The following NTM variants were observed in gnomAD, a reference collection of about 807,000 sequenced individuals.
The protein encoded by NTM is neurotrimin, also known as IgLON family member 2.
A neutral mutation model predicts 42.1 loss-of-function variants in NTM; 13 were observed. The ratio of observed to expected loss-of-function variants is 0.31; its 90% CI spans 0.20 to 0.49. The LOEUF is 0.49. Among genes scored for constraint, NTM ranks in the 20% least tolerant of loss-of-function variants. The pLI is 0.99. For missense variants in NTM, 373 were observed against 452.8 expected (o/e 0.82, Z 1.60); for synonymous variants, 187 against 179.2 (o/e 1.04, Z -0.35).
intron 1 of NTM, among the ~76,000 whole-genome samples, chr11:131,597,724 C>T (rs1027261394): frequency 6.6e-6 from 1 of 152,224 alleles, no homozygotes; most frequent in Admixed American, 6.5e-5. Context: ...ATGGAGAGAA[C>T]ATTCAATTAA....
intron 4 of NTM, among the ~76,000 whole-genome samples, chr11:132,297,764 A>T (rs998937029): frequency 6.6e-6 from 1 of 151,934 alleles, no homozygotes; most frequent in Non-Finnish European, 1.5e-5. Flanking sequence ...TCACTAGGGG[A>T]TGATCCAGAG....
intron 1 of NTM, among the ~76,000 whole-genome samples, chr11:131,436,355 A>G (rs767720814): frequency 6.6e-5 from 10 of 152,180 alleles, no homozygotes; most frequent in Admixed American, 6.5e-5. Context: ...TTCAGAAGGA[A>G]TGGTACCAGC....
intron 1 of NTM, among the ~76,000 whole-genome samples, chr11:131,421,870 C>T (rs777889087): frequency 1.3e-5 from 2 of 152,182 alleles, no homozygotes; most frequent in African/African-American, 2.4e-5. Context: ...GTTATGGTGG[C>T]TGCCTTGCTA....
chr11:132,321,039 C>G (rs1394927282), intron 7 of NTM, among the ~76,000 whole-genome samples: 1 of 151,344 alleles, frequency 6.6e-6, no homozygotes, highest in Non-Finnish European at 1.5e-5. Flanking sequence ...TCACCATCAT[C>G]AAAGACCAAA....
chr11:131,484,611 C>T (rs141747455), intron 1 of NTM, among the ~76,000 whole-genome samples: 30 of 152,252 alleles, frequency 2.0e-4, no homozygotes, highest in African/African-American at 5.8e-4. Context: ...GAGAGTGAGA[C>T]GGACACCTGA....
At chr11:132,134,177 C>T (rs2067315823) in intron 2 of NTM, among the ~76,000 whole-genome samples, 2 of 152,138 alleles carry the variant, frequency 1.3e-5, no homozygotes, top group Admixed American at 1.3e-4. Flanking sequence ...CCCACCTTAG[C>T]TTCTCAAAAT....
chr11:132,076,473 G>A (rs1188087760), intron 2 of NTM, among the ~76,000 whole-genome samples: 1 of 152,196 alleles, frequency 6.6e-6, no homozygotes, highest in Non-Finnish European at 1.5e-5. Flanking sequence ...ACAGTGTAGT[G>A]GACAAGCTGG....
chr11:132,257,927 C>T (rs879374638), intron 4 of NTM, among the ~76,000 whole-genome samples: 1 of 152,174 alleles, frequency 6.6e-6, no homozygotes, highest in East Asian at 1.9e-4. Flanking sequence ...GCTCACCTGC[C>T]GTCCTAGTGG....
At chr11:132,247,487 C>T (rs1432392507) in intron 4 of NTM, among the ~76,000 whole-genome samples, 1 of 152,176 alleles carries the variant, frequency 6.6e-6, no homozygotes, top group Non-Finnish European at 1.5e-5. Flanking sequence ...TGCTTCCCTT[C>T]TCTTTAATAG....
chr11:132,276,795 T>C (rs2093743377), intron 4 of NTM, among the ~76,000 whole-genome samples: 1 of 152,162 alleles, frequency 6.6e-6, no homozygotes, highest in African/African-American at 2.4e-5. Context: ...CTGCAGCCTC[T>C]ACCTGTGCCT....
chr11:131,972,496 G>C (rs1478461135), intron 2 of NTM, among the ~76,000 whole-genome samples: 1 of 152,050 alleles, frequency 6.6e-6, no homozygotes, highest in Non-Finnish European at 1.5e-5. Flanking sequence ...CAAAAGGTAG[G>C]GCTATAGCTT....
In NTM at chr11:132,195,999, G is replaced by C. The variant is rs538992092; in HGVS notation, c.401-16023G>C. 4.6e-5 allele frequency among the ~76,000 whole-genome samples: 7 copies of C among 152,258 alleles called. No individual in the cohort carries two copies. The East Asian group carries it at 1.4e-3, about 29-fold the overall frequency. Reference sequence around the variant, plus strand: ...TGCACAGCAAAATAAACTGTCAACAGAGTAAACCGACAACCTATGGAATGG... The same window carrying C: ...TGCACAGCAAAATAAACTGTCAACACAGTAAACCGACAACCTATGGAATGG... On this transcript the variant is annotated intron_variant, in intron 3 of 8. Coordinates refer to ENST00000683400, the MANE Select transcript of NTM (RefSeq NM_001352005.2).
chr11:132,149,397 A>G (rs1007926166), intron 3 of NTM, among the ~76,000 whole-genome samples: 14 of 151,530 alleles, frequency 9.2e-5, no homozygotes, highest in Admixed American at 7.2e-4. Flanking sequence ...TCAAAATGGT[A>G]TTATGATCCT....
intron 2 of NTM, among the ~76,000 whole-genome samples, chr11:132,023,245 C>T (rs1593826827): frequency 1.3e-5 from 2 of 152,316 alleles, no homozygotes; most frequent in East Asian, 3.9e-4. Context: ...ATCGTGGAGC[C>T]TGGGGAGAAA....
intron 2 of NTM, among the ~76,000 whole-genome samples, chr11:132,046,055 C>A (rs2135850962): frequency 6.6e-6 from 1 of 152,270 alleles, no homozygotes; most frequent in South Asian, 2.1e-4. Flanking sequence ...AGACTATAAC[C>A]ATCCAAACTG....
chr11:132,185,832 A>G (rs541222861), intron 3 of NTM, among the ~76,000 whole-genome samples: 2 of 152,288 alleles, frequency 1.3e-5, no homozygotes, highest in South Asian at 2.1e-4. Flanking sequence ...GGTGGCATCC[A>G]TTACTTTCAC....
At chr11:131,712,577 C>T (rs1393304433) in intron 1 of NTM, among the ~76,000 whole-genome samples, 1 of 152,004 alleles carries the variant, frequency 6.6e-6, no homozygotes, top group Non-Finnish European at 1.5e-5. Context: ...TTCAAAATTT[C>T]CTGCAGTAGA....
At chr11:131,913,553 C>T (rs641392) in intron 2 of NTM, among the ~76,000 whole-genome samples, 10,996 of 152,176 alleles carry the variant, frequency 0.072, 408 homozygotes, top group East Asian at 0.13. Context: ...TTTGAAATCG[C>T]GTTATCATGT....
intron 1 of NTM, among the ~76,000 whole-genome samples, chr11:131,578,897 T>G (rs998945790): frequency 6.6e-6 from 1 of 152,160 alleles, no homozygotes; most frequent in Admixed American, 6.5e-5. Flanking sequence ...GAGTATCCCA[T>G]GCAGGAGGTT....
Sources: allele counts gnomAD v4.1 joint callset (sites outside exome capture counted in the v4.1 genomes callset), GRCh38; gene constraint gnomAD v4.1.1; transcripts MANE v1.5; gene names NCBI Gene and HGNC (gene_info 2026-07-23, HGNC 2026-07-21).